INTU: variants seen among roughly 807,000 people sequenced by gnomAD.
INTU encodes the protein inturned planar cell polarity protein, also known as protein inturned.
A neutral mutation model predicts 100.5 loss-of-function variants in INTU; 68 were observed. The observed-to-expected ratio is 0.68, with a 90% CI of 0.56 to 0.83. The LOEUF (loss-of-function observed/expected upper bound fraction) is 0.83, where lower values mean the gene tolerates loss of function less well. Ranked by LOEUF, INTU falls within the 40% of genes least tolerant of loss-of-function variation. The pLI, the probability that INTU is intolerant of heterozygous loss-of-function variation, is 0.00. For synonymous variants in INTU, 357 were observed against 395.7 expected (o/e 0.90, Z 1.16); for missense variants, 1,071 against 1,114.7 (o/e 0.96, Z 0.56).
At chr4:127,655,246 C>CA in intron 2 of INTU, among the ~76,000 whole-genome samples, 1 of 152,278 alleles carries the variant, frequency 6.6e-6, no homozygotes, top group Admixed American at 6.5e-5. Context: ...CTCCATCCAG[C>CA]TTTGTTCCGT....
intron 1 of INTU, among the ~76,000 whole-genome samples, chr4:127,642,304 A>G (rs545911525): frequency 2.6e-5 from 4 of 152,338 alleles, no homozygotes; most frequent in Non-Finnish European, 5.9e-5. Flanking sequence ...AGTCCCAAAG[A>G]AATGTTAGTT....
At position 127,716,859 on chromosome 4, in the gene INTU, G is replaced by T. The variant is rs1156918133; in HGVS notation, c.*423G>T. ...TATGAAATTGGGAGCAGGTGACCAG[G>T]TGCTGTAACTAAGTAGTGCTATGAC... On this transcript the variant is annotated 3_prime_UTR_variant, in exon 16 of 16. Transcript: ENST00000335251. 2 of 152,404 alleles carry T rather than the reference G, an allele frequency of 1.3e-5. No homozygotes were observed. The highest frequency in any genetic ancestry group is 2.1e-4 in the South Asian group (1 of 4,826). 9.4% of individuals were successfully genotyped at this position (152,404 alleles called of 1,614,324 possible). A position where few individuals can be genotyped will look rare whatever the true frequency, so the allele number is the denominator to read the frequency against.
chr4:127,656,306 G>A (rs1160805107), intron 2 of INTU, among the ~76,000 whole-genome samples: 2 of 152,082 alleles, frequency 1.3e-5, no homozygotes, highest in Non-Finnish European at 2.9e-5. Flanking sequence ...ACAGTATTTG[G>A]TTCATGCTAA....
intron 4 of INTU, among the ~76,000 whole-genome samples, chr4:127,665,187 TTAC>T (rs1320995617): frequency 6.7e-6 from 1 of 149,796 alleles, no homozygotes; most frequent in Non-Finnish European, 1.5e-5. Context: ...CTTATTATTA[TTAC>T]ATTTTATACA....
chr4:127,650,488 C>T (rs1315700184), intron 2 of INTU, among the ~76,000 whole-genome samples: 1 of 151,066 alleles, frequency 6.6e-6, no homozygotes, highest in African/African-American at 2.4e-5. Context: ...GTTTTTTGTT[C>T]TTGCGATAGT....
Position 127,713,983 on chromosome 4 carries a change from A to C in INTU, c.2607A>C (p.Ser869=). ...NSGDHSDSAK[S]VSSLNPVKEH... ...GAGACCATTCAGATTCTGCAAAGTC[A>C]GTGTCTTCTCTTAACCCTGTTAAAG... The change falls in exon 15 of 16, where the codon TCA becomes TCC. Residue 869 remains serine, a synonymous_variant. Transcript: ENST00000335251. The C allele has an allele frequency of 6.2e-7, 1 of 1,612,852 alleles. No homozygotes were observed. Among genetic ancestry groups the C allele is most frequent in the Non-Finnish European group, 8.5e-7 (1 of 1,179,066 alleles).
chr4:127,688,134 G>A (rs1729917254), intron 8 of INTU, among the ~76,000 whole-genome samples: 1 of 151,170 alleles, frequency 6.6e-6, no homozygotes, highest in Non-Finnish European at 1.5e-5. Flanking sequence ...ATTAAATGGT[G>A]TGTCTTACTT....
At chr4:127,703,714 A>T (rs960143599) in intron 9 of INTU, among the ~76,000 whole-genome samples, 79 of 152,232 alleles carry the variant, frequency 5.2e-4, no homozygotes, top group Non-Finnish European at 7.4e-5. Context: ...TAATTTTTCC[A>T]TATTACAAAT....
At chr4:127,643,373 TAGTA>T (rs1381826103) in intron 1 of INTU, 144 bp from the exon 2 acceptor site, 2 of 535,908 alleles carry the variant, frequency 3.7e-6, no homozygotes, top group East Asian at 3.0e-5. Context: ...AAATTAGAAA[TAGTA>T]AGGATAATTT....
In INTU at chr4:127,691,962, G is replaced by GTGTGTATATATATATATATATATATA; in HGVS notation, c.1449+4096_1449+4097insGTGTATATATATATATATATATATAT. Among the ~76,000 whole-genome samples the GTGTGTATATATATATATATATATATA allele has an allele frequency of 2.8e-3, 276 of 98,222 alleles. 12 individuals are homozygous for GTGTGTATATATATATATATATATATA. The highest frequency in any genetic ancestry group is 4.0e-3 in the African/African-American group (100 of 24,926). The allele number at this position is 98,222 out of a possible 152,430, so 64.4% of individuals were successfully genotyped here. A position where few individuals can be genotyped will look rare whatever the true frequency, so the allele number is the denominator to read the frequency against. On this transcript the variant is annotated intron_variant, in intron 8 of 15. Coordinates refer to ENST00000335251, the MANE Select transcript of INTU (RefSeq NM_015693.4). ...GGCGGAGTATAGTGTTCCATGGTATGTATATATATATATATATATGTCACA... is the reference window on the plus strand; with the variant it reads ...GGCGGAGTATAGTGTTCCATGGTATGTGTGTATATATATATATATATATATATATATATATATATATATATGTCACA...
intron 3 of INTU, among the ~76,000 whole-genome samples, chr4:127,657,507 T>C (rs1476023106): frequency 6.6e-6 from 1 of 152,006 alleles, no homozygotes; most frequent in Admixed American, 6.6e-5. Context: ...TGTTAGGAAC[T>C]GGACTCCACA....
At chr4:127,634,269 C>T (rs1726970228) in intron 1 of INTU, among the ~76,000 whole-genome samples, 1 of 152,152 alleles carries the variant, frequency 6.6e-6, no homozygotes, top group Admixed American at 6.5e-5. Flanking sequence ...GATTATTACA[C>T]AAGGCTGCTG....
chr4:127,672,430 A>G (rs1481757928), intron 5 of INTU, among the ~76,000 whole-genome samples: 2 of 147,468 alleles, frequency 1.4e-5, no homozygotes, highest in Non-Finnish European at 3.0e-5. Flanking sequence ...TTTCAGTCTC[A>G]TTAGAAAGAA....
intron 2 of INTU, 29 bp downstream of exon 2, chr4:127,644,085 T>C (rs765031684): frequency 1.9e-6 from 3 of 1,579,332 alleles, no homozygotes; most frequent in South Asian, 1.2e-5. Flanking sequence ...CATCCATCCC[T>C]GTTTACAGAG....
In INTU at chr4:127,677,363, G is replaced by C. The variant is rs180715572; in HGVS notation, c.1181+3150G>C. Among the ~76,000 whole-genome samples, 989 of 148,392 alleles carry C rather than the reference G, an allele frequency of 6.7e-3. 13 individuals are homozygous for C. The highest frequency in any genetic ancestry group is 0.01 in the Non-Finnish European group (696 of 67,952). On this transcript the variant is annotated intron_variant, in intron 6 of 15. Coordinates refer to ENST00000335251, the MANE Select transcript of INTU (RefSeq NM_015693.4). ...TGGGAGGCACCCCCCAGTAGGGGCAGACTGACACCTCACACAGCAGGGTAC... is the reference window on the plus strand; with the variant it reads ...TGGGAGGCACCCCCCAGTAGGGGCACACTGACACCTCACACAGCAGGGTAC...
At chr4:127,687,917 A>T (rs1271658572) in intron 8 of INTU, 50 bp downstream of exon 8, 1 of 1,195,414 alleles carries the variant, frequency 8.4e-7, no homozygotes. Context: ...CCTTATTATA[A>T]TCTTGTATCT....
chr4:127,691,302 A>G (rs779002024), intron 8 of INTU, among the ~76,000 whole-genome samples: 6 of 152,186 alleles, frequency 3.9e-5, no homozygotes, highest in Non-Finnish European at 7.3e-5. Flanking sequence ...TTCTTGGTCA[A>G]ATAGCAAGAG....
At chr4:127,648,968 T>G (rs1410378634) in intron 2 of INTU, among the ~76,000 whole-genome samples, 1 of 152,178 alleles carries the variant, frequency 6.6e-6, no homozygotes, top group Admixed American at 6.5e-5. Context: ...CCATCTGAGT[T>G]GTATCTCTTG....
intron 2 of INTU, among the ~76,000 whole-genome samples, chr4:127,655,880 G>A (rs1034086009): frequency 5.9e-5 from 9 of 152,150 alleles, no homozygotes; most frequent in African/African-American, 9.6e-5. Flanking sequence ...GCGAGACTCC[G>A]TGGGCGTAGG....
Sources: allele counts gnomAD v4.1 joint callset (sites outside exome capture counted in the v4.1 genomes callset), GRCh38; gene constraint gnomAD v4.1.1; transcripts MANE v1.5; gene names NCBI Gene and HGNC (gene_info 2026-07-23, HGNC 2026-07-21).